RBFOX1: variants seen among roughly 807,000 people sequenced by gnomAD.
RBFOX1 encodes the protein RNA binding fox-1 homolog 1.
Under a neutral mutation model 57.7 loss-of-function variants are expected in RBFOX1, and 8 were observed. That is an observed-to-expected ratio of 0.14 (90% CI 0.08 to 0.25). RBFOX1 has a LOEUF of 0.25. Ranked by LOEUF, RBFOX1 falls within the 10% of genes least tolerant of loss-of-function variation. RBFOX1 has a pLI of 1.00. For synonymous variants in RBFOX1, 326 were observed against 222.4 expected, an observed-to-expected ratio of 1.47 and a Z score of -4.15; for missense variants, 611 against 548.5, an observed-to-expected ratio of 1.11 and a Z score of -1.14.
At position 6,075,662 on chromosome 16, in the gene RBFOX1, G is replaced by C. The variant is rs2095888431; in HGVS notation, c.-127+55670G>C. Among the ~76,000 whole-genome samples, 2 of 152,186 alleles carry C rather than the reference G, an allele frequency of 1.3e-5. 1 individual carries two copies. The highest frequency in any genetic ancestry group is 4.1e-4 in the South Asian group (2 of 4,830). ...TCAAGATTTTTGTGATATTAATCCA[G>C]TGCATTCAATACAGAGTTGGATAAT... is the stretch of plus-strand genomic sequence containing the variant. On this transcript the variant is annotated intron_variant, in intron 1 of 15. Transcript: ENST00000550418.
chr16:6,358,114 C>T (rs185531410), intron 2 of RBFOX1, among the ~76,000 whole-genome samples: 1 of 152,178 alleles, frequency 6.6e-6, no homozygotes, highest in Admixed American at 6.5e-5. Context: ...CCTGGATGTA[C>T]CCTCCAACTG....
At chr16:6,930,569 C>T (rs1347654482) in intron 3 of RBFOX1, among the ~76,000 whole-genome samples, 1 of 152,040 alleles carries the variant, frequency 6.6e-6, no homozygotes, top group Non-Finnish European at 1.5e-5. Flanking sequence ...CCCACCATGC[C>T]TGGCTAATTT....
intron 3 of RBFOX1, among the ~76,000 whole-genome samples, chr16:6,966,421 C>G (rs8060320): frequency 0.035 from 5,262 of 152,160 alleles, 324 homozygotes; most frequent in African/African-American, 0.12. Flanking sequence ...CCTGGGGGGT[C>G]TTCCAGAGGT....
intron 3 of RBFOX1, among the ~76,000 whole-genome samples, chr16:5,676,068 G>T (rs749061222): frequency 6.6e-6 from 1 of 152,100 alleles, no homozygotes; most frequent in Non-Finnish European, 1.5e-5. Flanking sequence ...GGGAGGGAAC[G>T]TCGCACACCA....
chr16:7,685,686 C>G lies in RBFOX1; in HGVS notation c.995+8848C>G, dbSNP rs532710495. Reference sequence around the variant, plus strand: ...TGCAGTGAATATATAGAGGCAGTAGCAAGTACATTAAATTAAATGCATTTA... The same window carrying G: ...TGCAGTGAATATATAGAGGCAGTAGGAAGTACATTAAATTAAATGCATTTA... On this transcript the variant is annotated intron_variant, in intron 14 of 15. Transcript: ENST00000550418. 3.3e-5 allele frequency among the ~76,000 whole-genome samples: 5 copies of G among 152,132 alleles called. No homozygotes were observed. The South Asian group carries it at 1.0e-3, about 32-fold the overall frequency.
chr16:7,688,289 A>G lies in RBFOX1; in HGVS notation c.995+11451A>G, dbSNP rs547595542. On this transcript the variant is annotated intron_variant, in intron 14 of 15. Coordinates refer to ENST00000550418, the MANE Select transcript of RBFOX1 (RefSeq NM_018723.4). The stretch of plus-strand genomic sequence containing the variant: ...AGAGAGAGAGAGAGAGAGAGATTCA[A>G]TATTCATAGCATTGGATACAAGAAG... Among the ~76,000 whole-genome samples, 7 of 148,690 alleles carry G rather than the reference A, an allele frequency of 4.7e-5. No homozygotes were observed. In the South Asian group the frequency reaches 1.3e-3, roughly 27 times the overall value.
chr16:7,694,907 G>A (rs187091299), intron 14 of RBFOX1, among the ~76,000 whole-genome samples: 2 of 152,256 alleles, frequency 1.3e-5, no homozygotes, highest in African/African-American at 4.8e-5. Context: ...GTTAACCCCT[G>A]TGCATGTTCC....
chr16:7,081,509 A>T (rs1338028480), intron 4 of RBFOX1, among the ~76,000 whole-genome samples: 2 of 152,188 alleles, frequency 1.3e-5, no homozygotes, highest in Non-Finnish European at 2.9e-5. Flanking sequence ...AGAAAAATAG[A>T]AGCACTCATT....
intron 4 of RBFOX1, among the ~76,000 whole-genome samples, chr16:7,080,116 A>T (rs2058967938): frequency 6.7e-6 from 1 of 149,014 alleles, no homozygotes; most frequent in Non-Finnish European, 1.5e-5. Context: ...ACCACAATTT[A>T]AAAAAGACTA....
chr16:6,693,704 C>A (rs1379307982), intron 3 of RBFOX1, among the ~76,000 whole-genome samples: 1 of 151,646 alleles, frequency 6.6e-6, no homozygotes, highest in Non-Finnish European at 1.5e-5. Flanking sequence ...TCACCATCAT[C>A]CTCCTCCACT....
intron 1 of RBFOX1, among the ~76,000 whole-genome samples, chr16:6,148,094 C>T (rs750919490): frequency 9.2e-5 from 14 of 152,170 alleles, no homozygotes; most frequent in East Asian, 1.9e-4. Flanking sequence ...TTCGGGAGGC[C>T]GAGGCGGGTG....
chr16:7,569,755 A>C (rs1030199290), intron 5 of RBFOX1, among the ~76,000 whole-genome samples: 2 of 152,160 alleles, frequency 1.3e-5, no homozygotes, highest in African/African-American at 4.8e-5. Context: ...TGTAATCCCA[A>C]CATTTTGGAG....
At chr16:6,905,346 G>C (rs2069580533) in intron 3 of RBFOX1, among the ~76,000 whole-genome samples, 2 of 151,954 alleles carry the variant, frequency 1.3e-5, no homozygotes, top group Admixed American at 1.3e-4. Context: ...CTGAGGTTGG[G>C]AGTTCGAGAC....
chr16:6,260,230 C>T (rs2097693603), intron 1 of RBFOX1, among the ~76,000 whole-genome samples: 1 of 152,096 alleles, frequency 6.6e-6, no homozygotes, highest in Non-Finnish European at 1.5e-5. Context: ...TGATATATTG[C>T]CGCAGAATTA....
chr16:6,844,668 A>G (rs2093666471), intron 3 of RBFOX1, among the ~76,000 whole-genome samples: 2 of 152,154 alleles, frequency 1.3e-5, no homozygotes, highest in South Asian at 4.1e-4. Flanking sequence ...TACCTTTATA[A>G]AAGAATGATT....
intron 4 of RBFOX1, among the ~76,000 whole-genome samples, chr16:7,094,646 T>A (rs63030561): frequency 1.9e-4 from 20 of 106,808 alleles, no homozygotes; most frequent in African/African-American, 4.3e-4. Context: ...TTTTTTTTTT[T>A]AAATCATTAC....
chr16:7,519,449 T>C (rs1210176265), intron 5 of RBFOX1, among the ~76,000 whole-genome samples: 1 of 152,206 alleles, frequency 6.6e-6, no homozygotes, highest in African/African-American at 2.4e-5. Flanking sequence ...TGCGTACAAA[T>C]GATGAAATGG....
At chr16:6,431,229 G>A (rs181751667) in intron 2 of RBFOX1, among the ~76,000 whole-genome samples, 186 of 152,168 alleles carry the variant, frequency 1.2e-3, no homozygotes, top group Non-Finnish European at 1.9e-3. Flanking sequence ...TTTAGGAGAA[G>A]CAGGTGGTTT....
intron 1 of RBFOX1, among the ~76,000 whole-genome samples, chr16:6,048,885 G>T (rs991394197): frequency 2.5e-4 from 38 of 152,088 alleles, no homozygotes; most frequent in Non-Finnish European, 3.2e-4. Flanking sequence ...TGGTTATCTT[G>T]GCTAAAGTGG....
Sources: gnomAD v4.1 joint callset for allele counts (sites outside exome capture counted in the v4.1 genomes callset) on GRCh38, gnomAD v4.1.1 for gene constraint, MANE v1.5 for transcripts, NCBI Gene and HGNC (gene_info 2026-07-23, HGNC 2026-07-21) for gene names.